Variants in LPP observed in about 807,000 individuals in gnomAD.
LPP encodes the protein lipoma-preferred partner.
A neutral mutation model predicts 60.4 loss-of-function variants in LPP; 38 were observed. That is an observed-to-expected ratio of 0.63 (90% CI 0.49 to 0.83). The LOEUF is 0.83. Among genes scored for constraint, LPP ranks in the 40% least tolerant of loss-of-function variants. LPP has a pLI of 0.00. For missense variants in LPP, 902 were observed against 783.6 expected (o/e 1.15, Z -1.80); for synonymous variants, 328 against 290.8 (o/e 1.13, Z -1.30).
chr3:188,721,671 A>G (rs544326402), intron 8 of LPP, among the ~76,000 whole-genome samples: 25 of 152,362 alleles, frequency 1.6e-4, no homozygotes, highest in African/African-American at 4.6e-4. Context: ...ACCATGGTGA[A>G]AGAAATGGTG....
chr3:188,154,266 T>A lies in LPP; in HGVS notation c.-190+14T>A, dbSNP rs1715388700. Among the ~76,000 whole-genome samples, 2 of 151,794 alleles carry A rather than the reference T, an allele frequency of 1.3e-5. No individual in the cohort carries two copies. Among genetic ancestry groups the A allele is most frequent in the Non-Finnish European group, 2.9e-5 (2 of 67,894 alleles). ...CTCCTCCCTGAGGTATTGTTGCAAA[T>A]CCTTCCTTCCCCTCACCCTCCACCC... On this transcript the variant is annotated intron_variant, in intron 1 of 11. Coordinates refer to ENST00000617246, the MANE Select transcript of LPP (RefSeq NM_001375462.1).
chr3:188,248,471 T>C (rs1226021392), intron 2 of LPP, among the ~76,000 whole-genome samples: 3 of 119,826 alleles, frequency 2.5e-5, no homozygotes, highest in Non-Finnish European at 5.1e-5. Context: ...TATAACTTTA[T>C]ATATATATAT....
chr3:188,588,769 C>T (rs868347570), intron 6 of LPP, among the ~76,000 whole-genome samples: 2 of 152,168 alleles, frequency 1.3e-5, no homozygotes, highest in African/African-American at 2.4e-5. Context: ...ACATTGTTTG[C>T]TGGAAACAGG....
chr3:188,789,191 A>G (rs1169184170), intron 9 of LPP, among the ~76,000 whole-genome samples: 1 of 152,222 alleles, frequency 6.6e-6, no homozygotes, highest in African/African-American at 2.4e-5. Flanking sequence ...ACTACCATAT[A>G]GTGTAAACAT....
At chr3:188,435,152 A>C (rs1415251687) in intron 4 of LPP, among the ~76,000 whole-genome samples, 2 of 152,210 alleles carry the variant, frequency 1.3e-5, no homozygotes, top group Non-Finnish European at 2.9e-5. Context: ...ATGCTACACT[A>C]GTATATAAGG....
At chr3:188,455,295 A>G (rs1797481937) in intron 4 of LPP, among the ~76,000 whole-genome samples, 1 of 152,174 alleles carries the variant, frequency 6.6e-6, no homozygotes, top group African/African-American at 2.4e-5. Flanking sequence ...AAAAAAAGAG[A>G]AGGTACTGAC....
chr3:188,550,293 C>T (rs1485624857), intron 6 of LPP, among the ~76,000 whole-genome samples: 3 of 151,984 alleles, frequency 2.0e-5, no homozygotes, highest in Non-Finnish European at 4.4e-5. Context: ...AATGAAAAAT[C>T]AAGGGCCAGG....
intron 1 of LPP, among the ~76,000 whole-genome samples, chr3:188,207,780 C>T (rs184152704): frequency 8.3e-4 from 126 of 152,094 alleles, no homozygotes; most frequent in African/African-American, 2.8e-3. Flanking sequence ...GTCGGAATGC[C>T]CTTTGTTCCT....
In LPP at chr3:188,853,829, C is replaced by CT. The variant is rs34841361; in HGVS notation, c.1411-12359dup. On this transcript the variant is annotated intron_variant, in intron 9 of 11. Transcript: ENST00000617246. ...CCATTGAAGCACTTTAGATTTTTTT[C>CT]TTTTTTTTTTTTCCTTTTCTTTTAC... Among the ~76,000 whole-genome samples the CT allele has an allele frequency of 3.2e-3, 469 of 148,712 alleles. 1 individual carries two copies. Among genetic ancestry groups the CT allele is most frequent in the African/African-American group, 7.7e-3 (313 of 40,538 alleles).
intron 6 of LPP, among the ~76,000 whole-genome samples, chr3:188,542,586 A>T (rs899160715): frequency 1.3e-5 from 2 of 152,194 alleles, no homozygotes; most frequent in Non-Finnish European, 2.9e-5. Context: ...ACTTTTGTAT[A>T]TGTGAGATGT....
chr3:188,607,386 TA>T (rs1842646065), intron 6 of LPP, among the ~76,000 whole-genome samples: 6 of 19,192 alleles, frequency 3.1e-4, no homozygotes, highest in African/African-American at 1.0e-3. Flanking sequence ...TATATATATA[TA>T]TATATATATA....
chr3:188,226,602 A>T (rs1303175815), intron 2 of LPP, among the ~76,000 whole-genome samples: 1 of 152,232 alleles, frequency 6.6e-6, no homozygotes, highest in Non-Finnish European at 1.5e-5. Flanking sequence ...TGAGGAAATT[A>T]GTAAGGGAAT....
intron 2 of LPP, among the ~76,000 whole-genome samples, chr3:188,291,040 A>G (rs1745755900): frequency 6.6e-6 from 1 of 152,234 alleles, no homozygotes; most frequent in African/African-American, 2.4e-5. Flanking sequence ...TTTGAAAGGT[A>G]ATACATTCTA....
At chr3:188,255,626 G>T (rs1477048741) in intron 2 of LPP, among the ~76,000 whole-genome samples, 1 of 152,134 alleles carries the variant, frequency 6.6e-6, no homozygotes, top group Non-Finnish European at 1.5e-5. Flanking sequence ...TTCCTATAGT[G>T]TTTAATTCAT....
Position 188,609,652 on chromosome 3 carries a change from TG to T in LPP, c.926del (p.Gly309AlafsTer88). The T allele has an allele frequency of 6.2e-7, 1 of 1,614,108 alleles. No individual in the cohort carries two copies. Among genetic ancestry groups the T allele is most frequent in the South Asian group, 1.1e-5 (1 of 91,074 alleles). Reference sequence around the variant, plus strand: ...GCTACTATGCAGCAGGGCCAGGCTATGGGGGCAGAAATGACTCTGACCCTAC... The same window carrying T: ...GCTACTATGCAGCAGGGCCAGGCTATGGGGCAGAAATGACTCTGACCCTAC... Reference protein sequence around the residue: ...EGYYAAGPGYGGRNDSDPTYG... With the variant: ...EGYYAAGPGYXGRNDSDPTYG... On this transcript the variant is annotated frameshift_variant, in exon 7 of 12. Transcript: ENST00000617246. LOFTEE classifies it high-confidence loss of function. The surrounding 1 kb of genome is among the most constrained non-coding windows in gnomAD (Gnocchi z 6.9).
intron 1 of LPP, among the ~76,000 whole-genome samples, chr3:188,156,850 CA>C (rs71632293): frequency 0.041 from 6,026 of 148,610 alleles, 217 homozygotes; most frequent in African/African-American, 0.083. Flanking sequence ...TGCTGCGCCC[CA>C]CCCCCCCAAG....
chr3:188,681,918 T>TAC (rs1166618985), intron 7 of LPP, among the ~76,000 whole-genome samples: 1 of 152,198 alleles, frequency 6.6e-6, no homozygotes, highest in Non-Finnish European at 1.5e-5. Context: ...ATTCTATGAG[T>TAC]ACAGGGAGTT....
intron 6 of LPP, among the ~76,000 whole-genome samples, chr3:188,570,771 G>T (rs900468118): frequency 6.6e-6 from 1 of 151,798 alleles, no homozygotes; most frequent in African/African-American, 2.4e-5. Flanking sequence ...GAAAGCAATA[G>T]ATCTAGTAGA....
At chr3:188,571,736 C>T (rs558188388) in intron 6 of LPP, among the ~76,000 whole-genome samples, 13 of 152,192 alleles carry the variant, frequency 8.5e-5, no homozygotes, top group African/African-American at 2.6e-4. Context: ...CTGTATCCTC[C>T]GCTTGCCAGC....
Sources: gnomAD v4.1 joint callset for allele counts (sites outside exome capture counted in the v4.1 genomes callset) on GRCh38, gnomAD v4.1.1 for gene constraint, Gnocchi (gnomAD v3.1) non-coding constraint, MANE v1.5 for transcripts, NCBI Gene and HGNC (gene_info 2026-07-23, HGNC 2026-07-21) for gene names.